CHST15: variants seen among roughly 807,000 people sequenced by gnomAD.
The protein encoded by CHST15 is B cell RAG associated protein (GALNAC4S-6ST).
A neutral mutation model predicts 53.6 loss-of-function variants in CHST15; 30 were observed. The ratio of observed to expected loss-of-function variants is 0.56; its 90% CI spans 0.42 to 0.76. The LOEUF (loss-of-function observed/expected upper bound fraction) is 0.76. CHST15 is among the 30% of genes least tolerant of loss of function. The pLI is 0.00. For missense variants in CHST15, 627 were observed against 740.5 expected (o/e 0.85, Z 1.78); for synonymous variants, 296 against 289.8 (o/e 1.02, Z -0.22).
At chr10:124,045,012 A>G (rs1460433885) in intron 2 of CHST15, 93 bp from the exon 3 acceptor site, 2 of 756,628 alleles carry the variant, frequency 2.6e-6, no homozygotes, top group Non-Finnish European at 3.7e-6. Flanking sequence ...GAGACTGACG[A>G]CCGTGTTCAA....
At chr10:124,032,561 A>C (rs1039671721) in intron 5 of CHST15, among the ~76,000 whole-genome samples, 1 of 152,232 alleles carries the variant, frequency 6.6e-6, no homozygotes, top group Non-Finnish European at 1.5e-5. Context: ...CAGGAGGCTA[A>C]TGTGAGATGC....
At chr10:124,042,183 A>T in intron 4 of CHST15, 118 bp downstream of exon 4, 8 of 990,406 alleles carry the variant, frequency 8.1e-6, no homozygotes, top group Admixed American at 4.6e-5. Context: ...GGCTCAAAAG[A>T]AGTTTGCTGC....
intron 1 of CHST15, among the ~76,000 whole-genome samples, chr10:124,068,183 C>T (rs763910518): frequency 3.3e-5 from 5 of 152,142 alleles, no homozygotes; most frequent in Admixed American, 6.5e-5. Flanking sequence ...TCAGTCCCCA[C>T]GCTGCAGTGG....
At chr10:124,091,465 C>G (rs979747166) in intron 1 of CHST15, among the ~76,000 whole-genome samples, 2 of 152,180 alleles carry the variant, frequency 1.3e-5, no homozygotes, top group South Asian at 2.1e-4. Flanking sequence ...TGCAGATGCC[C>G]TCCGAGGCCT....
chr10:124,017,513 G>A (rs1371514350), intron 6 of CHST15, among the ~76,000 whole-genome samples: 1 of 150,560 alleles, frequency 6.6e-6, no homozygotes, highest in Non-Finnish European at 1.5e-5. Context: ...GCACAATGTG[G>A]TAGAAACGCC....
intron 1 of CHST15, among the ~76,000 whole-genome samples, chr10:124,058,006 TA>T (rs1948438891): frequency 6.6e-6 from 1 of 152,214 alleles, no homozygotes; most frequent in Non-Finnish European, 1.5e-5. Context: ...CAAAAGACTC[TA>T]AAGGTCTTTG....
chr10:124,084,241 G>C (rs971622427), intron 1 of CHST15, among the ~76,000 whole-genome samples: 1 of 152,154 alleles, frequency 6.6e-6, no homozygotes, highest in African/African-American at 2.4e-5. Flanking sequence ...CCTGCCTCTC[G>C]GGGAGTCACA....
chr10:124,066,949 CA>C (rs1247898178), intron 1 of CHST15, among the ~76,000 whole-genome samples: 1 of 152,274 alleles, frequency 6.6e-6, no homozygotes, highest in Non-Finnish European at 1.5e-5. Context: ...TTCCTATCCC[CA>C]CTAGGACCTG....
At chr10:124,076,057 T>G (rs1323578660) in intron 1 of CHST15, among the ~76,000 whole-genome samples, 1 of 152,110 alleles carries the variant, frequency 6.6e-6, no homozygotes, top group Non-Finnish European at 1.5e-5. Flanking sequence ...AGGGAGGACA[T>G]CAGGGATGAA....
chr10:124,038,133 G>T (rs2133961227), intron 5 of CHST15, among the ~76,000 whole-genome samples: 1 of 148,584 alleles, frequency 6.7e-6, no homozygotes, highest in Non-Finnish European at 1.5e-5. Flanking sequence ...TTGAGATGGA[G>T]TCTCACTCTG....
At position 124,012,587 on chromosome 10, in the gene CHST15, T is replaced by C. The variant is rs190316173; in HGVS notation, c.1348-107A>G. The C allele has an allele frequency of 2.7e-4, 338 of 1,257,892 alleles. 1 individual carries two copies. The highest frequency in any genetic ancestry group is 3.3e-4 in the Non-Finnish European group (307 of 928,652). The allele number at this position is 1,257,892 out of a possible 1,614,324, so 77.9% of individuals were successfully genotyped here. A position where few individuals can be genotyped will look rare whatever the true frequency, so the allele number is the denominator to read the frequency against. On this transcript the variant is annotated intron_variant, in intron 6 of 7. Coordinates refer to ENST00000435907, the MANE Select transcript of CHST15 (RefSeq NM_001270764.2). ...TCACTGTACCACAAAAGAGTTATCC[T>C]AGCAAAGTTACTTTCAGAAGCTGGA...
At chr10:124,040,669 C>G (rs1258079664) in intron 4 of CHST15, among the ~76,000 whole-genome samples, 1 of 152,088 alleles carries the variant, frequency 6.6e-6, no homozygotes, top group African/African-American at 2.4e-5. Flanking sequence ...TGACCTGGTC[C>G]AACAATCCCA....
intron 1 of CHST15, among the ~76,000 whole-genome samples, chr10:124,080,445 T>C (rs949072729): frequency 3.3e-5 from 5 of 152,236 alleles, no homozygotes; most frequent in Non-Finnish European, 5.9e-5. Context: ...TATGCCTGTC[T>C]ATTCTCTGAT....
At chr10:124,015,662 A>G (rs373323842) in intron 6 of CHST15, among the ~76,000 whole-genome samples, 22 of 152,326 alleles carry the variant, frequency 1.4e-4, no homozygotes, top group African/African-American at 5.3e-4. Context: ...CATTTGGCAA[A>G]TAAGCTGAGC....
intron 6 of CHST15, among the ~76,000 whole-genome samples, chr10:124,015,189 C>T (rs1253860175): frequency 3.9e-5 from 6 of 152,170 alleles, no homozygotes; most frequent in Non-Finnish European, 8.8e-5. Flanking sequence ...ACCATGAAGA[C>T]AGGACAAAGA....
At chr10:124,065,804 TG>T (rs1227225657) in intron 1 of CHST15, among the ~76,000 whole-genome samples, 5 of 152,238 alleles carry the variant, frequency 3.3e-5, no homozygotes, top group Non-Finnish European at 5.9e-5. Flanking sequence ...TGTTTTGTTT[TG>T]ACCCATTCTC....
At chr10:124,080,685 T>A (rs1252543493) in intron 1 of CHST15, among the ~76,000 whole-genome samples, 1 of 152,178 alleles carries the variant, frequency 6.6e-6, no homozygotes, top group African/African-American at 2.4e-5. Context: ...TCCCCAATGT[T>A]CTTCTTGATC....
At position 124,062,405 on chromosome 10, in the gene CHST15, C is replaced by T. The variant is rs1313384451; in HGVS notation, c.-512-15681G>A. On this transcript the variant is annotated intron_variant, in intron 1 of 7. Coordinates refer to ENST00000435907, the MANE Select transcript of CHST15 (RefSeq NM_001270764.2). The stretch of plus-strand genomic sequence containing the variant: ...ACCCAGAGGCAGGTGAACATCCACA[C>T]GTGCCATCTGGTTTGTATCAACCCC... Among the ~76,000 whole-genome samples, 4 of 152,172 alleles carry T rather than the reference C, an allele frequency of 2.6e-5. No homozygotes were observed. The East Asian group carries it at 7.7e-4, about 29-fold the overall frequency.
In CHST15 at chr10:124,046,246, G is replaced by A. The variant is rs555420885; in HGVS notation, c.-34C>T. On this transcript the variant is annotated 5_prime_UTR_variant, in exon 2 of 8. Transcript: ENST00000435907. ...CAGTGCCCTGGGCTGCTGGCTTACCGAGCCATGGGTGGGCCCCCCACGAGT... is the reference window on the plus strand; with the variant it reads ...CAGTGCCCTGGGCTGCTGGCTTACCAAGCCATGGGTGGGCCCCCCACGAGT... 16 of 1,541,570 alleles carry A rather than the reference G, an allele frequency of 1.0e-5. No individual in the cohort carries two copies. The highest frequency in any genetic ancestry group is 5.8e-5 in the Admixed American group (3 of 51,482).
Sources: allele counts gnomAD v4.1 joint callset (sites outside exome capture counted in the v4.1 genomes callset), GRCh38; gene constraint gnomAD v4.1.1; transcripts MANE v1.5; gene names NCBI Gene and HGNC (gene_info 2026-07-23, HGNC 2026-07-21).